The following DNAH8 variants were observed in gnomAD, a reference collection of about 807,000 sequenced individuals.
DNAH8 encodes the protein axonemal beta dynein heavy chain 8.
Under a neutral mutation model 562.1 loss-of-function variants are expected in DNAH8, and 382 were observed. The ratio of observed to expected loss-of-function variants is 0.68; its 90% CI spans 0.63 to 0.74. The LOEUF is 0.74. Among genes scored for constraint, DNAH8 ranks in the 30% least tolerant of loss-of-function variants. The pLI is 0.00. For synonymous variants in DNAH8, 1,881 were observed against 1,919.4 expected (o/e 0.98, Z 0.52); for missense variants, 5,203 against 5,620.4 (o/e 0.93, Z 2.37).
chr6:38,748,756 A>AATAATAATAATT (rs1316703081), intron 8 of DNAH8, among the ~76,000 whole-genome samples: 3 of 4,260 alleles, frequency 7.0e-4, no homozygotes, highest in Non-Finnish European at 4.5e-4. Context: ...TCCGTCTCAA[A>AATAATAATAATT]ATAATAATAA....
intron 11 of DNAH8, among the ~76,000 whole-genome samples, chr6:38,768,910 A>G (rs1018503650): frequency 6.6e-6 from 1 of 152,168 alleles, no homozygotes; most frequent in Non-Finnish European, 1.5e-5. Context: ...ATTTTTGGGA[A>G]TAGGAGTCAG....
At chr6:38,871,802 A>G (rs530500273) in intron 49 of DNAH8, among the ~76,000 whole-genome samples, 2 of 152,292 alleles carry the variant, frequency 1.3e-5, no homozygotes, top group South Asian at 2.1e-4. Context: ...AGGCACAAAG[A>G]GTAGGTGCTG....
chr6:38,978,122 A>T (rs1483698261), intron 85 of DNAH8, among the ~76,000 whole-genome samples: 1 of 152,216 alleles, frequency 6.6e-6, no homozygotes, highest in Non-Finnish European at 1.5e-5. Flanking sequence ...GACTTTTCAA[A>T]CAGCTTATAT....
Position 38,862,334 on chromosome 6 carries a change from A to G in DNAH8, c.6186A>G (p.Ala2062=). The G allele has an allele frequency of 3.1e-6, 5 of 1,614,192 alleles. No homozygotes were observed. The highest frequency in any genetic ancestry group is 4.2e-6 in the Non-Finnish European group (5 of 1,180,010). The part of the protein sequence containing the change: ...ALGMNMGGAP[A]GPAGTGKTET... ...GCATGAACATGGGAGGTGCTCCCGC[A>G]GGACCTGCTGGCACTGGCAAAACAG... Residue 2062 remains alanine (A), a synonymous_variant, in exon 44 of 93, where the codon GCA becomes GCG. Transcript: ENST00000327475.
rs142725207 is a variant in DNAH8, at chr6:39,000,968, C to T, written c.13215-7846C>T. The stretch of plus-strand genomic sequence containing the variant: ...GTACAAAGAAGAGGAACATAATGAG[C>T]GGTAAGGACCAAGAACTTAGACTGG... On this transcript the variant is annotated intron_variant, in intron 88 of 92. Transcript: ENST00000327475. Among the ~76,000 whole-genome samples, 226 of 152,064 alleles carry T rather than the reference C, an allele frequency of 1.5e-3. 1 individual carries two copies. The highest frequency in any genetic ancestry group is 5.1e-3 in the African/African-American group (213 of 41,482).
At chr6:38,723,233 C>T in intron 2 of DNAH8, 34 bp downstream of exon 2, 1 of 1,583,938 alleles carries the variant, frequency 6.3e-7, no homozygotes. Flanking sequence ...ATGTGTGCCA[C>T]TTTTCCTTAT....
At position 38,827,734 on chromosome 6, in the gene DNAH8, T is replaced by TCC. The variant is rs1773481989; in HGVS notation, c.4084-450_4084-449insCC. Among the ~76,000 whole-genome samples, 2 of 29,034 alleles carry TCC rather than the reference T, an allele frequency of 6.9e-5. 1 individual carries two copies. Among genetic ancestry groups the TCC allele is most frequent in the Admixed American group, 1.0e-3 (2 of 1,946 alleles). 19.0% of individuals were successfully genotyped at this position (29,034 alleles called of 152,430 possible). A position where few individuals can be genotyped will look rare whatever the true frequency, so the allele number is the denominator to read the frequency against. ...GCAAAAGCTTAATTCTTTACCAAACTTTTTTTTTTTTTTTTTTTTTTTTTT... is the reference window on the plus strand; with the variant it reads ...GCAAAAGCTTAATTCTTTACCAAACTCCTTTTTTTTTTTTTTTTTTTTTTTTT... On this transcript the variant is annotated intron_variant, in intron 29 of 92. Transcript: ENST00000327475.
intron 62 of DNAH8, among the ~76,000 whole-genome samples, chr6:38,900,195 G>A (rs932386456): frequency 6.6e-6 from 1 of 152,114 alleles, no homozygotes; most frequent in African/African-American, 2.4e-5. Context: ...CCATTGATTA[G>A]TTTTGCCCAG....
chr6:38,819,336 TACC>T (rs1303145783), intron 26 of DNAH8, among the ~76,000 whole-genome samples: 2 of 152,176 alleles, frequency 1.3e-5, no homozygotes, highest in Non-Finnish European at 2.9e-5. Flanking sequence ...ATTAGAGAGG[TACC>T]TAGAGAGGAC....
chr6:38,948,025 G>A (rs1761575125), intron 80 of DNAH8, among the ~76,000 whole-genome samples: 1 of 152,166 alleles, frequency 6.6e-6, no homozygotes. Flanking sequence ...TGGGATTACA[G>A]GCATGAGCCA....
At chr6:38,826,852 A>G (rs1035941830) in intron 29 of DNAH8, among the ~76,000 whole-genome samples, 2 of 152,208 alleles carry the variant, frequency 1.3e-5, no homozygotes, top group South Asian at 2.1e-4. Flanking sequence ...ACTTACATCA[A>G]TGAAAAATGT....
chr6:38,748,305 AG>A (rs1486860679), intron 8 of DNAH8, among the ~76,000 whole-genome samples: 2 of 152,214 alleles, frequency 1.3e-5, no homozygotes, highest in Admixed American at 1.3e-4. Flanking sequence ...CAAATGTGGT[AG>A]CAAATCTATG....
At chr6:38,838,144 C>T in intron 33 of DNAH8, 102 bp downstream of exon 33, 1 of 687,588 alleles carries the variant, frequency 1.5e-6, no homozygotes, top group Non-Finnish European at 2.4e-6. Flanking sequence ...GAGGACACTA[C>T]AGCTTGGAGC....
At chr6:38,968,501 T>C (rs768751807) in intron 82 of DNAH8, among the ~76,000 whole-genome samples, 14 of 152,138 alleles carry the variant, frequency 9.2e-5, no homozygotes, top group South Asian at 4.1e-4. Context: ...ACAAGGAAGA[T>C]GTACAAATGG....
chr6:38,870,518 G>A lies in DNAH8; in HGVS notation c.6946G>A (p.Glu2316Lys), dbSNP rs1668751548. The change falls in exon 49 of 93, where the codon GAG becomes AAG. Residue 2316 changes from glutamate to lysine, a missense_variant. Glu to Lys is a moderately conservative substitution (Grantham distance 56). This residue lies in a region of DNAH8 where 2,176 missense variants were observed against 2,365.1 expected (regional missense o/e 0.92). Coordinates refer to ENST00000327475, the MANE Select transcript of DNAH8 (RefSeq NM_001206927.2). ...QNAVAHQVQIEGLINHPPWNL... is the reference protein window; with the variant it reads ...QNAVAHQVQIKGLINHPPWNL... Reference sequence around the variant, plus strand: ...CGCAGTAGCCCATCAGGTTCAGATAGAGGGTTTGATTAACCATCCACCCTG... The same window carrying A: ...CGCAGTAGCCCATCAGGTTCAGATAAAGGGTTTGATTAACCATCCACCCTG... 6.2e-7 allele frequency: 1 copy of A among 1,613,960 alleles called. No homozygotes were observed. Among genetic ancestry groups the A allele is most frequent in the South Asian group, 1.1e-5 (1 of 91,090 alleles).
intron 4 of DNAH8, among the ~76,000 whole-genome samples, chr6:38,730,770 TCTC>T (rs1428983546): frequency 2.6e-5 from 4 of 152,206 alleles, no homozygotes; most frequent in African/African-American, 9.7e-5. Context: ...TCTAGTCTGA[TCTC>T]CTACTCTTCC....
chr6:38,804,532 T>A (rs900560179), intron 22 of DNAH8, among the ~76,000 whole-genome samples: 4 of 152,174 alleles, frequency 2.6e-5, no homozygotes, highest in Non-Finnish European at 5.9e-5. Flanking sequence ...AGTGTGAGGC[T>A]GGCTTCGAGC....
chr6:38,909,538 C>T lies in DNAH8; in HGVS notation c.9534C>T (p.Ala3178=). The T allele has an allele frequency of 6.2e-7, 1 of 1,614,024 alleles. No homozygotes were observed. Among genetic ancestry groups the T allele is most frequent in the Non-Finnish European group, 8.5e-7 (1 of 1,179,986 alleles). ...CFSPVGEKFR[A]RSLKFPGLIS... The stretch of plus-strand genomic sequence containing the variant: ...AATAGGTTGGTGAGAAGTTCCGTGC[C>T]CGTTCTTTGAAATTTCCTGGCTTGA... Residue 3178 remains alanine, a synonymous_variant, in exon 65 of 93, where the codon GCC becomes GCT. Transcript: ENST00000327475.
At chr6:39,001,934 G>T (rs571481178) in intron 88 of DNAH8, among the ~76,000 whole-genome samples, 3 of 152,172 alleles carry the variant, frequency 2.0e-5, no homozygotes, top group Non-Finnish European at 2.9e-5. Flanking sequence ...AAATGATTTG[G>T]AACTAGAGCT....
Sources: allele counts gnomAD v4.1 joint callset (sites outside exome capture counted in the v4.1 genomes callset), GRCh38; gene constraint gnomAD v4.1.1; regional missense constraint gnomAD v4.1.1; transcripts MANE v1.5; gene names NCBI Gene and HGNC (gene_info 2026-07-23, HGNC 2026-07-21).